Variants in AK7 observed in about 807,000 individuals in gnomAD.
The protein encoded by AK7 is adenylate kinase 7.
In AK7, 78 loss-of-function variants were observed where a neutral mutation model predicts 96.6. The ratio of observed to expected loss-of-function variants is 0.81; its 90% confidence interval spans 0.67 to 0.97. The LOEUF is 0.97. Among genes scored for constraint, AK7 ranks in the 50% least tolerant of loss-of-function variants. AK7 has a pLI of 0.00. For missense variants in AK7, 855 were observed against 887.9 expected (o/e 0.96, Z 0.47); for synonymous variants, 302 against 317.2 (o/e 0.95, Z 0.51).
chr14:96,462,976 C>G (rs560786070), intron 12 of AK7, among the ~76,000 whole-genome samples: 1 of 151,886 alleles, frequency 6.6e-6, no homozygotes, highest in Non-Finnish European at 1.5e-5. Flanking sequence ...TCTCTGCTAA[C>G]GGTACAAAAA....
At chr14:96,458,587 A>C (rs113384579) in intron 12 of AK7, among the ~76,000 whole-genome samples, 2,522 of 151,932 alleles carry the variant, frequency 0.017, 67 homozygotes, top group African/African-American at 0.057. Flanking sequence ...CTAAAAATAC[A>C]AAAAATTAGC....
chr14:96,448,126 C>CAAA (rs557075450), intron 8 of AK7, among the ~76,000 whole-genome samples: 1 of 81,944 alleles, frequency 1.2e-5, no homozygotes, highest in Non-Finnish European at 2.6e-5. Flanking sequence ...GAGACCCTGT[C>CAAA]AAAAAAAAAA....
chr14:96,483,949 G>A (rs532708370), intron 16 of AK7, among the ~76,000 whole-genome samples: 1 of 151,286 alleles, frequency 6.6e-6, no homozygotes, highest in Non-Finnish European at 1.5e-5. Flanking sequence ...GCACTCTTAG[G>A]CTGGGCATGG....
In AK7 at chr14:96,471,624, A is replaced by G. The variant is rs766795974; in HGVS notation, c.1486+18A>G. On this transcript the variant is annotated intron_variant, in intron 13 of 17. Coordinates refer to ENST00000267584, the MANE Select transcript of AK7 (RefSeq NM_152327.5). ...GTTCAATCGTAAGTTTGAGTGTTCT[A>G]TTTTGAGTATTTATATTCAGATAAG... is the stretch of plus-strand genomic sequence containing the variant. The G allele has an allele frequency of 3.1e-5, 46 of 1,506,116 alleles. No homozygotes were observed. Among genetic ancestry groups the G allele is most frequent in the East Asian group, 2.4e-5 (1 of 40,966 alleles). The allele number at this position is 1,506,116 out of a possible 1,614,324, so 93.3% of individuals were successfully genotyped here. A position where few individuals can be genotyped will look rare whatever the true frequency, so the allele number is the denominator to read the frequency against.
chr14:96,475,822 A>G (rs542409982), intron 14 of AK7, among the ~76,000 whole-genome samples: 7 of 152,058 alleles, frequency 4.6e-5, no homozygotes, highest in African/African-American at 1.7e-4. Context: ...ACACAAAAAC[A>G]TTCTTAATTA....
intron 12 of AK7, among the ~76,000 whole-genome samples, chr14:96,461,253 A>C (rs1479695969): frequency 6.6e-6 from 1 of 152,182 alleles, no homozygotes; most frequent in Non-Finnish European, 1.5e-5. Flanking sequence ...GCTTGAGGTC[A>C]GCCTCGGCAA....
intron 16 of AK7, 67 bp downstream of exon 16, chr14:96,483,286 A>G: frequency 1.3e-6 from 2 of 1,489,410 alleles, no homozygotes; most frequent in Non-Finnish European, 1.8e-6. Context: ...TGGCAAAGCC[A>G]TTTAGGCCAG....
At position 96,394,473 on chromosome 14, in the gene AK7, G is replaced by A. The variant is rs140450548; in HGVS notation, c.105+2214G>A. ...TTTTTTTAATGGAGGAAGGGGCCCA[G>A]GGAGCCCAGAATGTGGCCCTACTCA... On this transcript the variant is annotated intron_variant, in intron 1 of 17. Coordinates refer to ENST00000267584, the MANE Select transcript of AK7 (RefSeq NM_152327.5). 2.4e-4 allele frequency among the ~76,000 whole-genome samples: 37 copies of A among 152,294 alleles called. 1 individual carries two copies. Among genetic ancestry groups the A allele is most frequent in the Admixed American group, 1.3e-3 (20 of 15,298 alleles).
chr14:96,440,599 C>T (rs769117435), intron 6 of AK7, among the ~76,000 whole-genome samples: 8 of 152,180 alleles, frequency 5.3e-5, no homozygotes, highest in Non-Finnish European at 1.2e-4. Flanking sequence ...CAGTCATCCC[C>T]AAACCTGCTC....
At position 96,467,995 on chromosome 14, in the gene AK7, G is replaced by C. The variant is rs185225097; in HGVS notation, c.1358-3483G>C. 3.4e-3 allele frequency among the ~76,000 whole-genome samples: 500 copies of C among 148,956 alleles called. 4 individuals are homozygous for C. The highest frequency in any genetic ancestry group is 0.012 in the African/African-American group (481 of 40,572). ...CTCACGCCCGTAATCCCAGCGCTTT[G>C]AGAGGCTGAGGCAGGAAGATCACTT... is the stretch of plus-strand genomic sequence containing the variant. On this transcript the variant is annotated intron_variant, in intron 12 of 17. Transcript: ENST00000267584.
chr14:96,412,097 C>T (rs572441408), intron 4 of AK7, among the ~76,000 whole-genome samples: 1 of 152,220 alleles, frequency 6.6e-6, no homozygotes, highest in East Asian at 1.9e-4. Flanking sequence ...CCAGATTTAC[C>T]AGGGTTGGCT....
chr14:96,423,700 C>G, intron 5 of AK7: 5 of 684,908 alleles, frequency 7.3e-6, no homozygotes, highest in Non-Finnish European at 1.1e-5. Context: ...CCCCCTACTT[C>G]CCAGACAGCT....
chr14:96,396,205 T>A (rs1278362867), intron 1 of AK7, among the ~76,000 whole-genome samples: 1 of 152,176 alleles, frequency 6.6e-6, no homozygotes, highest in Non-Finnish European at 1.5e-5. Flanking sequence ...CCACGCTCTG[T>A]CCAGAGATCT....
At chr14:96,481,275 C>T (rs1895488247) in intron 15 of AK7, among the ~76,000 whole-genome samples, 1 of 152,096 alleles carries the variant, frequency 6.6e-6, no homozygotes, top group Non-Finnish European at 1.5e-5. Context: ...TCAAAGGTGT[C>T]CAGTTAGTGA....
chr14:96,476,272 G>A (rs557051814), intron 14 of AK7, among the ~76,000 whole-genome samples: 5 of 152,184 alleles, frequency 3.3e-5, no homozygotes, highest in East Asian at 1.9e-4. Context: ...TTGGGAGGCC[G>A]AGGTGGGCAG....
chr14:96,403,235 CAGGT>C (rs1321342576), intron 2 of AK7, among the ~76,000 whole-genome samples: 1 of 151,990 alleles, frequency 6.6e-6, no homozygotes, highest in Non-Finnish European at 1.5e-5. Flanking sequence ...AGATGGCACA[CAGGT>C]AGAACATCAT....
At chr14:96,408,028 C>T (rs1469092872) in intron 3 of AK7, among the ~76,000 whole-genome samples, 1 of 152,204 alleles carries the variant, frequency 6.6e-6, no homozygotes, top group Non-Finnish European at 1.5e-5. Flanking sequence ...TCCTTTCTCT[C>T]CACCTCTATC....
chr14:96,483,731 A>T lies in AK7; in HGVS notation c.1974+512A>T, dbSNP rs77312443. Among the ~76,000 whole-genome samples the T allele has an allele frequency of 5.1e-3, 783 of 152,314 alleles. 4 individuals are homozygous for T. Among genetic ancestry groups the T allele is most frequent in the Middle Eastern group, 0.027 (8 of 294 alleles). ...ATGAGCCACCATGCCCAGCTTGCTTAGTATTAGTAACAAAAACTAGCCATT... is the reference window on the plus strand; with the variant it reads ...ATGAGCCACCATGCCCAGCTTGCTTTGTATTAGTAACAAAAACTAGCCATT... On this transcript the variant is annotated intron_variant, in intron 16 of 17. Coordinates refer to ENST00000267584, the MANE Select transcript of AK7 (RefSeq NM_152327.5).
chr14:96,468,941 C>T (rs2140150103), intron 12 of AK7, among the ~76,000 whole-genome samples: 1 of 152,204 alleles, frequency 6.6e-6, no homozygotes, highest in South Asian at 2.1e-4. Context: ...CAGCTGAACC[C>T]TGGCCAAAGG....
Sources: gnomAD v4.1 joint callset for allele counts (sites outside exome capture counted in the v4.1 genomes callset) on GRCh38, gnomAD v4.1.1 for gene constraint, MANE v1.5 for transcripts, NCBI Gene and HGNC (gene_info 2026-07-23, HGNC 2026-07-21) for gene names.